Variants in ATP8A2 observed in about 807,000 individuals in gnomAD.
ATP8A2 encodes the protein ATPase phospholipid transporting 8A2.
Under a neutral mutation model 165.6 loss-of-function variants are expected in ATP8A2, and 100 were observed. The ratio of observed to expected loss-of-function variants is 0.60; its 90% CI spans 0.51 to 0.71. ATP8A2 has a LOEUF of 0.71. Among genes scored for constraint, ATP8A2 ranks in the 30% least tolerant of loss-of-function variants. The pLI is 0.00. For synonymous variants in ATP8A2, 543 were observed against 548.8 expected, an observed-to-expected ratio of 0.99 and a Z score of 0.15; for missense variants, 1,227 against 1,479.5, an observed-to-expected ratio of 0.83 and a Z score of 2.80.
At chr13:25,939,792 C>T (rs1340585420) in intron 33 of ATP8A2, among the ~76,000 whole-genome samples, 1 of 152,214 alleles carries the variant, frequency 6.6e-6, no homozygotes, top group Non-Finnish European at 1.5e-5. Flanking sequence ...TGAAACTGCT[C>T]TGAACTTTCA....
At chr13:25,950,524 G>A (rs903087364) in intron 33 of ATP8A2, among the ~76,000 whole-genome samples, 1 of 152,108 alleles carries the variant, frequency 6.6e-6, no homozygotes, top group African/African-American at 2.4e-5. Context: ...AGGAAAATTG[G>A]GAAATGTCTT....
chr13:25,825,145 C>CTTTTTTTTTT (rs60778003), intron 27 of ATP8A2, among the ~76,000 whole-genome samples: 1 of 27,472 alleles, frequency 3.6e-5, no homozygotes, highest in African/African-American at 1.5e-4. Flanking sequence ...TATGTGTTTG[C>CTTTTTTTTTT]TTTTTTTTTT....
chr13:25,409,620 A>G (rs2033907973), intron 1 of ATP8A2, among the ~76,000 whole-genome samples: 1 of 152,206 alleles, frequency 6.6e-6, no homozygotes, highest in Non-Finnish European at 1.5e-5. Context: ...GAGGATAACT[A>G]GGGAAAATAT....
intron 24 of ATP8A2, among the ~76,000 whole-genome samples, chr13:25,597,663 C>CAACCT (rs1186015118): frequency 2.6e-5 from 4 of 152,118 alleles, no homozygotes; most frequent in African/African-American, 9.7e-5. Context: ...AGGTGAGACT[C>CAACCT]CAGCTTAGCC....
chr13:25,604,046 T>TG (rs2040456756), intron 24 of ATP8A2, among the ~76,000 whole-genome samples: 2 of 148,532 alleles, frequency 1.3e-5, no homozygotes, highest in African/African-American at 5.0e-5. Context: ...GGTGGTGGGG[T>TG]GGGGGGTACT....
chr13:25,468,932 T>C, intron 1 of ATP8A2, 45 bp from the exon 2 acceptor site: 1 of 1,587,806 alleles, frequency 6.3e-7, no homozygotes, highest in South Asian at 1.1e-5. Context: ...GCCTGGCGGT[T>C]GACTTCTTTG....
chr13:25,941,993 A>C lies in ATP8A2; in HGVS notation c.3184-19582A>C, dbSNP rs191276965. ...TTCATGCATGTATTCTGCGTGCATA[A>C]ACCTATAGAAAATATTAACAATACA... On this transcript the variant is annotated intron_variant, in intron 33 of 36. Coordinates refer to ENST00000381655, the MANE Select transcript of ATP8A2 (RefSeq NM_016529.6). Among the ~76,000 whole-genome samples the C allele has an allele frequency of 2.0e-5, 3 of 152,278 alleles. No homozygotes were observed. The East Asian group carries it at 5.8e-4, about 29-fold the overall frequency.
At chr13:25,530,141 T>C (rs1342986477) in intron 3 of ATP8A2, 43 bp downstream of exon 3, 3 of 1,257,292 alleles carry the variant, frequency 2.4e-6, no homozygotes, top group Non-Finnish European at 3.5e-6. Context: ...CTTAATTACA[T>C]GTAAAATGAG....
intron 24 of ATP8A2, among the ~76,000 whole-genome samples, chr13:25,597,524 A>G (rs2040268296): frequency 6.6e-6 from 1 of 152,228 alleles, no homozygotes; most frequent in African/African-American, 2.4e-5. Context: ...GACAGCCTCT[A>G]GTAGCTGAGA....
At chr13:25,588,099 CTGT>C (rs2039973316) in intron 23 of ATP8A2, among the ~76,000 whole-genome samples, 1 of 152,140 alleles carries the variant, frequency 6.6e-6, no homozygotes. Context: ...CTTGAGATAA[CTGT>C]TGTTAACAGC....
Position 25,817,685 on chromosome 13 carries a change from CT to C in ATP8A2, c.2680-10424del, listed in dbSNP as rs201615789. Among the ~76,000 whole-genome samples the C allele has an allele frequency of 2.2e-3, 325 of 150,268 alleles. 1 individual carries two copies. The highest frequency in any genetic ancestry group is 7.8e-3 in the African/African-American group (318 of 40,896). Reference sequence around the variant, plus strand: ...AGTCCTTTTATTCTTTTTTCTTTTTCTTTTTTTTTGTTTTGTTTTTTGTTTT... The same window carrying C: ...AGTCCTTTTATTCTTTTTTCTTTTTCTTTTTTTTGTTTTGTTTTTTGTTTT... On this transcript the variant is annotated intron_variant, in intron 27 of 36. Coordinates refer to ENST00000381655, the MANE Select transcript of ATP8A2 (RefSeq NM_016529.6).
At chr13:25,913,004 A>G (rs1349499363) in intron 33 of ATP8A2, among the ~76,000 whole-genome samples, 2 of 152,234 alleles carry the variant, frequency 1.3e-5, no homozygotes, top group African/African-American at 2.4e-5. Flanking sequence ...GCAAGTTACT[A>G]TCATCCCTAC....
intron 30 of ATP8A2, among the ~76,000 whole-genome samples, chr13:25,852,434 A>G (rs1952030424): frequency 6.6e-6 from 1 of 152,196 alleles, no homozygotes; most frequent in African/African-American, 2.4e-5. Context: ...TCAGATCTCC[A>G]GGCGTTCCTG....
intron 1 of ATP8A2, among the ~76,000 whole-genome samples, chr13:25,454,638 C>T (rs558379673): frequency 3.3e-5 from 5 of 152,202 alleles, no homozygotes; most frequent in Admixed American, 1.3e-4. Context: ...TTAACAATGG[C>T]TTTGGCCGGG....
chr13:25,519,926 A>T (rs552758962), intron 2 of ATP8A2, among the ~76,000 whole-genome samples: 61 of 152,362 alleles, frequency 4.0e-4, no homozygotes, highest in African/African-American at 1.4e-3. Flanking sequence ...AAGTTGCTAC[A>T]TAATAGTTGT....
At position 25,576,297 on chromosome 13, in the gene ATP8A2, C is replaced by G. The variant is rs533799982; in HGVS notation, c.1713-772C>G. On this transcript the variant is annotated intron_variant, in intron 19 of 36. Transcript: ENST00000381655. Reference sequence around the variant, plus strand: ...CTGAAAGGCCACAGAGATGGGTGGTCTAGGGCCCTCTGTAGTTGGAGTGTG... The same window carrying G: ...CTGAAAGGCCACAGAGATGGGTGGTGTAGGGCCCTCTGTAGTTGGAGTGTG... Among the ~76,000 whole-genome samples, 3 of 152,196 alleles carry G rather than the reference C, an allele frequency of 2.0e-5. No individual in the cohort carries two copies. The South Asian group carries it at 6.2e-4, about 32-fold the overall frequency.
At chr13:25,593,028 GAAGA>G (rs947304933) in intron 24 of ATP8A2, among the ~76,000 whole-genome samples, 9 of 152,242 alleles carry the variant, frequency 5.9e-5, no homozygotes, top group African/African-American at 2.2e-4. Flanking sequence ...GTCTACTGAG[GAAGA>G]TTCTACTCCT....
intron 30 of ATP8A2, among the ~76,000 whole-genome samples, chr13:25,853,399 A>G (rs556776656): frequency 1.8e-5 from 1 of 56,690 alleles, no homozygotes; most frequent in Non-Finnish European, 4.4e-5. Flanking sequence ...TAAAAAAAAT[A>G]TATATATATA....
chr13:25,504,420 CCTTTTT>C (rs1380416881), intron 2 of ATP8A2, among the ~76,000 whole-genome samples: 13 of 130,582 alleles, frequency 1.0e-4, no homozygotes, highest in African/African-American at 2.9e-5. Context: ...TCTTTCCTTT[CCTTTTT>C]TTTTTTTTTT....
Sources: allele counts gnomAD v4.1 joint callset (sites outside exome capture counted in the v4.1 genomes callset), GRCh38; gene constraint gnomAD v4.1.1; transcripts MANE v1.5; gene names NCBI Gene and HGNC (gene_info 2026-07-23, HGNC 2026-07-21).